Variants in PKN2 observed in about 807,000 individuals in gnomAD.
PKN2 encodes the protein protein kinase N2.
In PKN2, 38 loss-of-function variants were observed where a neutral mutation model predicts 119.1. The observed-to-expected ratio is 0.32, with a 90% confidence interval of 0.25 to 0.42. The LOEUF (loss-of-function observed/expected upper bound fraction) is 0.42, where lower values mean the gene tolerates loss of function less well. Ranked by LOEUF, PKN2 falls within the 10% of genes least tolerant of loss-of-function variation. PKN2 has a pLI of 1.00. For missense variants in PKN2, 850 were observed against 1,165.1 expected (o/e 0.73, Z 3.94); for synonymous variants, 390 against 384.9 (o/e 1.01, Z -0.15).
chr1:88,719,072 G>T (rs1205217844), intron 1 of PKN2, among the ~76,000 whole-genome samples: 1 of 152,140 alleles, frequency 6.6e-6, no homozygotes, highest in Non-Finnish European at 1.5e-5. Flanking sequence ...GGTAATTTAA[G>T]AATATTTTTT....
intron 1 of PKN2, among the ~76,000 whole-genome samples, chr1:88,712,950 G>C (rs978310709): frequency 1.3e-5 from 2 of 151,144 alleles, no homozygotes; most frequent in Middle Eastern, 3.4e-3. Context: ...AACAGGCCCA[G>C]TGTGTGATGT....
At chr1:88,800,647 T>C (rs1671266647) in intron 8 of PKN2, among the ~76,000 whole-genome samples, 1 of 152,248 alleles carries the variant, frequency 6.6e-6, no homozygotes, top group African/African-American at 2.4e-5. Flanking sequence ...ACCCCAGGGC[T>C]CCTCAGTGAA....
At chr1:88,760,863 G>A (rs555218767) in intron 3 of PKN2, among the ~76,000 whole-genome samples, 5 of 151,830 alleles carry the variant, frequency 3.3e-5, no homozygotes, top group African/African-American at 1.2e-4. Flanking sequence ...TTTACCTTAT[G>A]GGTAAAGGAT....
intron 6 of PKN2, among the ~76,000 whole-genome samples, chr1:88,779,444 G>A (rs899521534): frequency 2.7e-5 from 4 of 150,258 alleles, no homozygotes; most frequent in African/African-American, 7.4e-5. Flanking sequence ...CACAAGGCCA[G>A]ATTTATTAAA....
chr1:88,746,661 T>A (rs561878499), intron 2 of PKN2, among the ~76,000 whole-genome samples: 1 of 152,132 alleles, frequency 6.6e-6, no homozygotes, highest in South Asian at 2.1e-4. Flanking sequence ...TTGGTGGTAT[T>A]GTAACATTAG....
intron 16 of PKN2, among the ~76,000 whole-genome samples, chr1:88,821,694 A>G (rs1029876259): frequency 5.3e-5 from 8 of 152,210 alleles, no homozygotes; most frequent in African/African-American, 1.9e-4. Context: ...GAACCAGATC[A>G]AATGTCCCCT....
chr1:88,760,173 A>T, intron 2 of PKN2, 49 bp from the exon 3 acceptor site: 1 of 1,046,042 alleles, frequency 9.6e-7, no homozygotes, highest in Non-Finnish European at 1.4e-6. Flanking sequence ...TTCCAATTTT[A>T]AGCAGCAATT....
chr1:88,789,691 T>TAATAATAATAATAAC (rs887795312), intron 8 of PKN2, among the ~76,000 whole-genome samples: 108 of 123,300 alleles, frequency 8.8e-4, no homozygotes, highest in African/African-American at 2.8e-3. Context: ...ATAATAATAA[T>TAATAATAATAATAAC]AACAACAACA....
At chr1:88,736,635 G>C (rs1394045574) in intron 1 of PKN2, among the ~76,000 whole-genome samples, 1 of 152,142 alleles carries the variant, frequency 6.6e-6, no homozygotes, top group Non-Finnish European at 1.5e-5. Context: ...AGTTGTTGGC[G>C]TGAGCCACTG....
intron 1 of PKN2, among the ~76,000 whole-genome samples, chr1:88,695,141 T>G (rs368646083): frequency 6.6e-6 from 1 of 151,894 alleles, no homozygotes; most frequent in African/African-American, 2.4e-5. Flanking sequence ...AAAAAAAAAT[T>G]TTGAAATGTC....
At chr1:88,689,152 T>G (rs1666233674) in intron 1 of PKN2, among the ~76,000 whole-genome samples, 2 of 152,178 alleles carry the variant, frequency 1.3e-5, no homozygotes, top group Admixed American at 1.3e-4. Context: ...ACAGGGTAGT[T>G]AAGACAGACT....
chr1:88,693,906 T>C (rs575427581), intron 1 of PKN2, among the ~76,000 whole-genome samples: 1 of 152,220 alleles, frequency 6.6e-6, no homozygotes, highest in Non-Finnish European at 1.5e-5. Context: ...CCAAGTTTGC[T>C]CCTAAGAATC....
chr1:88,790,248 C>T (rs1670763327), intron 8 of PKN2, among the ~76,000 whole-genome samples: 1 of 152,158 alleles, frequency 6.6e-6, no homozygotes, highest in South Asian at 2.1e-4. Context: ...CTTGCTTTAC[C>T]TCCTCATGCT....
intron 2 of PKN2, among the ~76,000 whole-genome samples, chr1:88,754,374 G>A (rs1005255924): frequency 6.6e-6 from 1 of 152,048 alleles, no homozygotes; most frequent in South Asian, 2.1e-4. Context: ...TAGCACTCAA[G>A]ATGCTTATAG....
intron 1 of PKN2, among the ~76,000 whole-genome samples, chr1:88,738,168 AAAAC>A (rs140575497): frequency 0.51 from 75,285 of 147,242 alleles, 19,508 homozygotes; most frequent in Middle Eastern, 0.71. Flanking sequence ...AAGTCATTAA[AAAAC>A]AAACAAACAA....
At chr1:88,752,577 C>T (rs896952099) in intron 2 of PKN2, among the ~76,000 whole-genome samples, 2 of 152,032 alleles carry the variant, frequency 1.3e-5, no homozygotes, top group African/African-American at 4.8e-5. Flanking sequence ...TTTTGTTCCA[C>T]ATAATTGAAC....
At chr1:88,748,195 A>G (rs1668845500) in intron 2 of PKN2, among the ~76,000 whole-genome samples, 1 of 152,218 alleles carries the variant, frequency 6.6e-6, no homozygotes, top group South Asian at 2.1e-4. Context: ...CCACATTCAG[A>G]AAAAGGAATA....
At chr1:88,690,257 A>G (rs1666277725) in intron 1 of PKN2, among the ~76,000 whole-genome samples, 1 of 152,206 alleles carries the variant, frequency 6.6e-6, no homozygotes, top group South Asian at 2.1e-4. Flanking sequence ...GGCAATGGTA[A>G]ATTTTCATGC....
intron 2 of PKN2, among the ~76,000 whole-genome samples, chr1:88,755,494 G>T (rs1226454897): frequency 6.6e-6 from 1 of 152,142 alleles, no homozygotes; most frequent in African/African-American, 2.4e-5. Context: ...CTAAGTTTCA[G>T]ATTTTTTTAT....
Sources: allele counts gnomAD v4.1 joint callset (sites outside exome capture counted in the v4.1 genomes callset), GRCh38; gene constraint gnomAD v4.1.1; transcripts MANE v1.5; gene names NCBI Gene and HGNC (gene_info 2026-07-23, HGNC 2026-07-21).